DOCK3: variants seen among roughly 807,000 people sequenced by gnomAD.
The protein encoded by DOCK3 is dedicator of cytokinesis protein 3.
DOCK3 carries 60 observed loss-of-function variants against 265.6 expected under a neutral mutation model. The observed-to-expected ratio is 0.23, with a 90% confidence interval of 0.18 to 0.28. The LOEUF (loss-of-function observed/expected upper bound fraction) is 0.28, where lower values mean the gene tolerates loss of function less well. DOCK3 is among the 10% of genes least tolerant of loss of function. The pLI is 1.00. For missense variants in DOCK3, 1,981 were observed against 2,594.3 expected (o/e 0.76, Z 5.14); for synonymous variants, 881 against 938.0 (o/e 0.94, Z 1.11).
At chr3:51,112,734 G>A (rs2083573695) in intron 9 of DOCK3, among the ~76,000 whole-genome samples, 2 of 152,140 alleles carry the variant, frequency 1.3e-5, no homozygotes, top group African/African-American at 2.4e-5. Flanking sequence ...AAAAGGAGTG[G>A]ACAGGTTTTA....
chr3:50,782,965 ATTT>A (rs34337890), intron 2 of DOCK3, among the ~76,000 whole-genome samples: 24 of 133,160 alleles, frequency 1.8e-4, no homozygotes, highest in East Asian at 4.5e-4. Flanking sequence ...GAATGCCATG[ATTT>A]TTTTTTTTTT....
chr3:51,211,515 C>T (rs911896943), intron 13 of DOCK3, among the ~76,000 whole-genome samples: 1 of 152,118 alleles, frequency 6.6e-6, no homozygotes, highest in Non-Finnish European at 1.5e-5. Context: ...TATCCCTCCC[C>T]CAACCCCACA....
intron 2 of DOCK3, among the ~76,000 whole-genome samples, chr3:50,833,487 A>T (rs1221875676): frequency 6.6e-6 from 1 of 152,160 alleles, no homozygotes; most frequent in African/African-American, 2.4e-5. Context: ...AAGGAATCTC[A>T]GATAAAACTT....
At chr3:50,766,279 C>A (rs542482343) in intron 1 of DOCK3, among the ~76,000 whole-genome samples, 1 of 129,662 alleles carries the variant, frequency 7.7e-6, no homozygotes, top group African/African-American at 2.9e-5. Context: ...CCCCTCCCCC[C>A]ACCCCACAAC....
intron 7 of DOCK3, among the ~76,000 whole-genome samples, chr3:51,084,597 G>T (rs899891625): frequency 1.3e-5 from 2 of 152,094 alleles, no homozygotes; most frequent in Admixed American, 1.3e-4. Context: ...AAATGTTTCA[G>T]GGATTTCTGT....
Position 51,355,039 on chromosome 3 carries a change from G to A in DOCK3, c.4249+16G>A. The A allele has an allele frequency of 6.2e-7, 1 of 1,610,848 alleles. No homozygotes were observed. The highest frequency in any genetic ancestry group is 8.5e-7 in the Non-Finnish European group (1 of 1,177,944). On this transcript the variant is annotated intron_variant, in intron 41 of 52. Transcript: ENST00000266037. ...GATGCCCAGTGTATCCTTTGATACTGGGTGGGAGGAGGAGGGCAGGGGCCC... is the reference window on the plus strand; with the variant it reads ...GATGCCCAGTGTATCCTTTGATACTAGGTGGGAGGAGGAGGGCAGGGGCCC...
intron 9 of DOCK3, among the ~76,000 whole-genome samples, chr3:51,099,066 A>C (rs1044066882): frequency 6.6e-6 from 1 of 152,236 alleles, no homozygotes; most frequent in Non-Finnish European, 1.5e-5. Flanking sequence ...TAAGTTTTTC[A>C]TCAGTATATT....
At chr3:50,943,898 T>C (rs2076362771) in intron 5 of DOCK3, among the ~76,000 whole-genome samples, 1 of 152,184 alleles carries the variant, frequency 6.6e-6, no homozygotes, top group Admixed American at 6.5e-5. Flanking sequence ...TAGTTTCTTA[T>C]GCTATAAATG....
chr3:51,130,646 C>T (rs185202564), intron 9 of DOCK3, among the ~76,000 whole-genome samples: 1 of 152,282 alleles, frequency 6.6e-6, no homozygotes, highest in African/African-American at 2.4e-5. Flanking sequence ...CTTTCAAGTC[C>T]TTGATGGTGG....
At chr3:51,027,391 A>C (rs768884928) in intron 5 of DOCK3, among the ~76,000 whole-genome samples, 16 of 151,906 alleles carry the variant, frequency 1.1e-4, no homozygotes, top group Non-Finnish European at 2.2e-4. Context: ...ATCTTAGAGT[A>C]TGTTCTATGT....
chr3:50,938,391 GAGA>G (rs1489793564), intron 5 of DOCK3, among the ~76,000 whole-genome samples: 1 of 152,100 alleles, frequency 6.6e-6, no homozygotes, highest in African/African-American at 2.4e-5. Context: ...ATCAGGAATA[GAGA>G]AGAACTGAAC....
At chr3:50,928,198 G>A (rs966385096) in intron 4 of DOCK3, among the ~76,000 whole-genome samples, 3 of 149,766 alleles carry the variant, frequency 2.0e-5, no homozygotes, top group Non-Finnish European at 3.0e-5. Context: ...CAATCCAGTG[G>A]CATCAAATAC....
intron 5 of DOCK3, among the ~76,000 whole-genome samples, chr3:51,049,992 T>C (rs2109106331): frequency 6.6e-6 from 1 of 151,900 alleles, no homozygotes; most frequent in South Asian, 2.1e-4. Context: ...TATTTAGGAG[T>C]GAAATTAACC....
intron 12 of DOCK3, among the ~76,000 whole-genome samples, chr3:51,192,618 T>C (rs1218573118): frequency 1.3e-5 from 2 of 151,994 alleles, no homozygotes; most frequent in Non-Finnish European, 2.9e-5. Context: ...ACAGGAGACC[T>C]CACGGAAGTC....
intron 23 of DOCK3, among the ~76,000 whole-genome samples, chr3:51,269,574 C>T (rs926861090): frequency 2.0e-5 from 3 of 152,204 alleles, no homozygotes; most frequent in African/African-American, 7.2e-5. Context: ...TTTTCACTCA[C>T]TCTAAGCCAG....
chr3:51,206,155 A>G (rs1009771732), intron 12 of DOCK3, among the ~76,000 whole-genome samples: 1 of 152,242 alleles, frequency 6.6e-6, no homozygotes, highest in Non-Finnish European at 1.5e-5. Context: ...ACCATAATGC[A>G]GAATGTTTTC....
rs529061730 is a variant in DOCK3 at position 50,869,457 on chromosome 3, G to T, written c.163-20569G>T. On this transcript the variant is annotated intron_variant, in intron 3 of 52. Transcript: ENST00000266037. Reference sequence around the variant, plus strand: ...GTGATCTCAGCTCACTGCAACCTCTGCCTGCTAGGCTCAAGTGATTCTCCC... The same window carrying T: ...GTGATCTCAGCTCACTGCAACCTCTTCCTGCTAGGCTCAAGTGATTCTCCC... Among the ~76,000 whole-genome samples, 3 of 130,640 alleles carry T rather than the reference G, an allele frequency of 2.3e-5. No homozygotes were observed. In the East Asian group the frequency reaches 7.0e-4, roughly 31 times the overall value. 85.7% of individuals were successfully genotyped at this position (130,640 alleles called of 152,430 possible).
intron 2 of DOCK3, chr3:50,787,208 G>A: frequency 3.3e-6 from 2 of 602,940 alleles, no homozygotes; most frequent in Non-Finnish European, 6.1e-6. Flanking sequence ...AAATCTGCAT[G>A]TGCCTATGAG....
At chr3:51,209,744 T>C (rs1430929037) in intron 13 of DOCK3, among the ~76,000 whole-genome samples, 6 of 152,242 alleles carry the variant, frequency 3.9e-5, no homozygotes, top group Non-Finnish European at 8.8e-5. Flanking sequence ...TTGTTTTTTC[T>C]CTGTTGGGGT....
Sources: gnomAD v4.1 joint callset for allele counts (sites outside exome capture counted in the v4.1 genomes callset) on GRCh38, gnomAD v4.1.1 for gene constraint, MANE v1.5 for transcripts, NCBI Gene and HGNC (gene_info 2026-07-23, HGNC 2026-07-21) for gene names.